The following CDH13 variants were observed in gnomAD, a reference collection of about 807,000 sequenced individuals.
CDH13 encodes the protein cadherin 13.
A neutral mutation model predicts 63.8 loss-of-function variants in CDH13; 24 were observed. The observed-to-expected ratio is 0.38, with a 90% CI of 0.27 to 0.53. The LOEUF is 0.53. Among genes scored for constraint, CDH13 ranks in the 20% least tolerant of loss-of-function variants. The probability of loss-of-function intolerance (pLI) is 0.85; values close to 1 mark genes in which losing one functional copy is unlikely to be tolerated. For missense variants in CDH13, 1,049 were observed against 903.1 expected, an observed-to-expected ratio of 1.16 and a Z score of -2.07; for synonymous variants, 503 against 355.3, an observed-to-expected ratio of 1.42 and a Z score of -4.67.
intron 1 of CDH13, among the ~76,000 whole-genome samples, chr16:82,822,840 C>A (rs968336535): frequency 6.6e-6 from 1 of 152,176 alleles, no homozygotes; most frequent in East Asian, 1.9e-4. Context: ...ATGTCAACAC[C>A]ATTTTATTAT....
At chr16:82,937,026 A>T (rs2042690344) in intron 2 of CDH13, among the ~76,000 whole-genome samples, 5 of 152,146 alleles carry the variant, frequency 3.3e-5, no homozygotes, top group Admixed American at 1.3e-4. Context: ...GCTGGTGTTT[A>T]GGTTCTTGTC....
At chr16:83,180,850 G>C (rs543459749) in intron 4 of CDH13, 1 of 1,485,644 alleles carries the variant, frequency 6.7e-7, no homozygotes, top group Non-Finnish European at 9.1e-7. Flanking sequence ...ACAACAAAAT[G>C]TGTTTTTTTT....
At chr16:82,789,026 A>T (rs1870849) in intron 1 of CDH13, among the ~76,000 whole-genome samples, 1 of 152,140 alleles carries the variant, frequency 6.6e-6, no homozygotes, top group Non-Finnish European at 1.5e-5. Flanking sequence ...CTGGGTTGCA[A>T]AGGAGGTTGC....
chr16:82,972,298 G>A (rs1238060973), intron 2 of CDH13, among the ~76,000 whole-genome samples: 1 of 152,184 alleles, frequency 6.6e-6, no homozygotes. Flanking sequence ...GAGAGTCTGG[G>A]TGTGAGAGCT....
chr16:83,049,667 T>A (rs893254512), intron 3 of CDH13, among the ~76,000 whole-genome samples: 3 of 152,140 alleles, frequency 2.0e-5, no homozygotes, highest in African/African-American at 7.2e-5. Flanking sequence ...TCATCCACAT[T>A]ATAGCATGTA....
At chr16:82,928,961 A>C (rs1392598453) in intron 2 of CDH13, among the ~76,000 whole-genome samples, 1 of 152,220 alleles carries the variant, frequency 6.6e-6, no homozygotes, top group East Asian at 1.9e-4. Flanking sequence ...GTTCAATATT[A>C]CCAAAGTGCA....
At chr16:83,301,028 T>TTTG (rs1402546246) in intron 5 of CDH13, among the ~76,000 whole-genome samples, 1 of 120,362 alleles carries the variant, frequency 8.3e-6, no homozygotes, top group African/African-American at 3.6e-5. Context: ...TTCTGGGGTT[T>TTTG]TTTTTTTTTT....
chr16:83,247,877 A>C (rs191410050), intron 5 of CDH13, among the ~76,000 whole-genome samples: 1 of 152,232 alleles, frequency 6.6e-6, no homozygotes, highest in African/African-American at 2.4e-5. Context: ...TCCAAAGGAC[A>C]GATGATTCTT....
At chr16:83,765,553 T>C (rs62047498) in intron 11 of CDH13, among the ~76,000 whole-genome samples, 5 of 95,658 alleles carry the variant, frequency 5.2e-5, no homozygotes, top group African/African-American at 1.5e-4. Flanking sequence ...TATATATATA[T>C]ACACACACAC....
At chr16:83,331,883 C>G (rs550859654) in intron 5 of CDH13, among the ~76,000 whole-genome samples, 2 of 152,008 alleles carry the variant, frequency 1.3e-5, no homozygotes, top group Admixed American at 6.5e-5. Context: ...GTAGTTTTTT[C>G]TATCTTTAAG....
At chr16:83,023,491 G>A (rs1915532820) in intron 2 of CDH13, among the ~76,000 whole-genome samples, 1 of 152,176 alleles carries the variant, frequency 6.6e-6, no homozygotes, top group Admixed American at 6.5e-5. Flanking sequence ...AGTACAGATA[G>A]TTCATTTCCC....
At chr16:82,962,836 C>G (rs74552249) in intron 2 of CDH13, among the ~76,000 whole-genome samples, 1 of 151,562 alleles carries the variant, frequency 6.6e-6, no homozygotes, top group Non-Finnish European at 1.5e-5. Flanking sequence ...TAGAAACAAA[C>G]TTAAACTTTT....
intron 6 of CDH13, among the ~76,000 whole-genome samples, chr16:83,464,174 G>A (rs1213460934): frequency 6.6e-6 from 1 of 152,036 alleles, no homozygotes; most frequent in East Asian, 1.9e-4. Flanking sequence ...TCCTGGTTCA[G>A]GCAGTCTCTT....
chr16:82,645,479 A>G (rs375650952), intron 1 of CDH13, among the ~76,000 whole-genome samples: 24 of 151,848 alleles, frequency 1.6e-4, no homozygotes, highest in African/African-American at 5.8e-4. Context: ...CTTGTTTTTC[A>G]CAACCTGGGG....
intron 5 of CDH13, among the ~76,000 whole-genome samples, chr16:83,339,453 TG>T (rs1221812980): frequency 1.3e-5 from 2 of 152,182 alleles, no homozygotes; most frequent in African/African-American, 4.8e-5. Context: ...GAGTAATATT[TG>T]ACTTCAGACT....
In CDH13 at chr16:83,658,072, G is replaced by T. The variant is rs140970308; in HGVS notation, c.1102-12718G>T. Among the ~76,000 whole-genome samples, 6 of 13,878 alleles carry T rather than the reference G, an allele frequency of 4.3e-4. 1 individual carries two copies. In the South Asian group the frequency reaches 0.016, roughly 36 times the overall value. The allele number at this position is 13,878 out of a possible 152,430, so 9.1% of individuals were successfully genotyped here. On this transcript the variant is annotated intron_variant, in intron 8 of 13. Transcript: ENST00000567109. ...AGGTCCCATATCCTCACCACCAGGT[G>T]CCATGTCCTCACCAGCAAGGTCCCA...
chr16:83,380,532 G>A (rs2091543660), intron 6 of CDH13, among the ~76,000 whole-genome samples: 2 of 152,150 alleles, frequency 1.3e-5, no homozygotes, highest in African/African-American at 4.8e-5. Flanking sequence ...AATCTCAAGA[G>A]TGAGACATTT....
intron 7 of CDH13, among the ~76,000 whole-genome samples, chr16:83,526,785 C>T (rs564203785): frequency 9.2e-5 from 14 of 152,306 alleles, no homozygotes; most frequent in African/African-American, 2.6e-4. Context: ...AGTTTGGGAA[C>T]AGTGAAACTG....
At chr16:83,486,150 G>GAAAAAAA (rs1344377832) in intron 6 of CDH13, among the ~76,000 whole-genome samples, 1 of 151,872 alleles carries the variant, frequency 6.6e-6, no homozygotes, top group Admixed American at 6.6e-5. Context: ...CTAAAAAAAT[G>GAAAAAAA]AATGTCCCTG....
Sources: allele counts gnomAD v4.1 joint callset (sites outside exome capture counted in the v4.1 genomes callset), GRCh38; gene constraint gnomAD v4.1.1; transcripts MANE v1.5; gene names NCBI Gene and HGNC (gene_info 2026-07-23, HGNC 2026-07-21).